Variants in ZCCHC4 observed in about 807,000 individuals in gnomAD.
ZCCHC4 encodes zinc finger CCHC-type containing 4.
In ZCCHC4, 54 loss-of-function variants were observed where a neutral mutation model predicts 67.7. The ratio of observed to expected loss-of-function variants is 0.80; its 90% confidence interval spans 0.64 to 1.00. The LOEUF (loss-of-function observed/expected upper bound fraction) is 1.00. ZCCHC4 is among the 50% of genes least tolerant of loss of function. The probability of loss-of-function intolerance (pLI) is 0.00; values close to 1 mark genes in which losing one functional copy is unlikely to be tolerated. For missense variants in ZCCHC4, 609 were observed against 617.0 expected (o/e 0.99, Z 0.14); for synonymous variants, 198 against 213.5 (o/e 0.93, Z 0.63).
rs563869190 is a variant in ZCCHC4 at position 25,354,199 on chromosome 4, A to G, written c.1011+2510A>G. 2.6e-5 allele frequency among the ~76,000 whole-genome samples: 4 copies of G among 152,278 alleles called. No homozygotes were observed. The South Asian group carries it at 6.2e-4, about 24-fold the overall frequency. On this transcript the variant is annotated intron_variant, in intron 8 of 12. Transcript: ENST00000302874. ...CAGAATACAGCAGATGAGAGAGGCA[A>G]TTTTGGAGTAACCAGCTGTCACTTG...
At chr4:25,326,002 T>C (rs1253964273) in intron 3 of ZCCHC4, among the ~76,000 whole-genome samples, 1 of 152,226 alleles carries the variant, frequency 6.6e-6, no homozygotes, top group African/African-American at 2.4e-5. Flanking sequence ...CCTGCATTAG[T>C]TTTCCTGTTG....
chr4:25,325,303 CTCTT>C (rs1468680754), intron 3 of ZCCHC4, among the ~76,000 whole-genome samples: 1 of 115,014 alleles, frequency 8.7e-6, no homozygotes, highest in Admixed American at 8.6e-5. Context: ...TTTTCACTCT[CTCTT>C]TTTTTTTTTT....
rs551710698 is a variant in ZCCHC4, at chr4:25,324,212, T to G, written c.329+8812T>G. On this transcript the variant is annotated intron_variant, in intron 3 of 12. Transcript: ENST00000302874. ...TTTGTATTTTAGTGGAGATGAGGTTTCACCATGTTGGCCAGGATGGTCTCT... is the reference window on the plus strand; with the variant it reads ...TTTGTATTTTAGTGGAGATGAGGTTGCACCATGTTGGCCAGGATGGTCTCT... 1.9e-3 allele frequency among the ~76,000 whole-genome samples: 295 copies of G among 151,342 alleles called. 1 individual carries two copies. The highest frequency in any genetic ancestry group is 6.9e-3 in the African/African-American group (284 of 41,184).
In ZCCHC4 at chr4:25,369,319, C is replaced by G. The variant is rs1450106846; in HGVS notation, c.*155C>G. On this transcript the variant is annotated 3_prime_UTR_variant, in exon 13 of 13. Coordinates refer to ENST00000302874, the MANE Select transcript of ZCCHC4 (RefSeq NM_024936.3). The stretch of plus-strand genomic sequence containing the variant: ...GGTGGCATTTGCTGGTTTACAGTCC[C>G]TTATCTGCCTCTCTGGAGACATGGG... 23 of 923,152 alleles carry G rather than the reference C, an allele frequency of 2.5e-5. No homozygotes were observed. 57.2% of individuals were successfully genotyped at this position (923,152 alleles called of 1,614,324 possible).
intron 12 of ZCCHC4, 68 bp downstream of exon 12, chr4:25,365,234 A>G: frequency 3.2e-6 from 5 of 1,586,778 alleles, no homozygotes; most frequent in Middle Eastern, 1.7e-4. Flanking sequence ...CCACAAAAGC[A>G]TGCAACATTC....
chr4:25,321,600 T>C (rs929060955), intron 3 of ZCCHC4, among the ~76,000 whole-genome samples: 1 of 152,096 alleles, frequency 6.6e-6, no homozygotes, highest in African/African-American at 2.4e-5. Context: ...CTTGAACTCC[T>C]GACCTCAAGT....
At chr4:25,343,340 A>C (rs968087540) in intron 5 of ZCCHC4, among the ~76,000 whole-genome samples, 2 of 152,228 alleles carry the variant, frequency 1.3e-5, no homozygotes, top group Non-Finnish European at 2.9e-5. Context: ...TATTGTACCG[A>C]GAATGGTTGG....
rs751740320 is a variant in ZCCHC4 at position 25,365,146 on chromosome 4, T to C, written c.1386T>C (p.Ala462=). The change falls in exon 12 of 13, where the codon GCT becomes GCC. Residue 462 remains alanine, a synonymous_variant. Transcript: ENST00000302874. The part of the protein sequence containing the change: ...DHKRSTCPNI[A]TSKRANKAVR... ...AACGCAGTACTTGTCCTAACATTGC[T>C]ACATCTAAGAGAGCTAACAAGTCAG... is the stretch of plus-strand genomic sequence containing the variant. 3.1e-6 allele frequency: 5 copies of C among 1,614,154 alleles called. No homozygotes were observed. Among genetic ancestry groups the C allele is most frequent in the Admixed American group, 3.3e-5 (2 of 60,020 alleles).
intron 5 of ZCCHC4, among the ~76,000 whole-genome samples, chr4:25,342,420 AG>A (rs1719798742): frequency 6.6e-6 from 1 of 152,172 alleles, no homozygotes; most frequent in Non-Finnish European, 1.5e-5. Context: ...TATATTTTTT[AG>A]GGGGTAGGAG....
chr4:25,336,559 T>C (rs921331173), intron 5 of ZCCHC4, among the ~76,000 whole-genome samples: 1 of 152,194 alleles, frequency 6.6e-6, no homozygotes, highest in African/African-American at 2.4e-5. Context: ...CGATCTCAGC[T>C]CACTGTAACC....
At chr4:25,319,591 C>T (rs924355283) in intron 3 of ZCCHC4, among the ~76,000 whole-genome samples, 1 of 152,050 alleles carries the variant, frequency 6.6e-6, no homozygotes, top group Non-Finnish European at 1.5e-5. Context: ...TTCTCTGGAG[C>T]AAACGGTTTG....
At chr4:25,344,468 G>T (rs1402156884) in intron 5 of ZCCHC4, among the ~76,000 whole-genome samples, 3 of 123,452 alleles carry the variant, frequency 2.4e-5, no homozygotes, top group Non-Finnish European at 3.4e-5. Flanking sequence ...GTTGTGGGGT[G>T]GGGGGAGGGG....
At chr4:25,323,539 A>T (rs972822219) in intron 3 of ZCCHC4, among the ~76,000 whole-genome samples, 9 of 152,108 alleles carry the variant, frequency 5.9e-5, no homozygotes, top group Admixed American at 2.6e-4. Context: ...TGGGGGTTGT[A>T]TGTAGGGTGA....
chr4:25,326,149 A>G (rs73254145), intron 3 of ZCCHC4, among the ~76,000 whole-genome samples: 3,816 of 152,240 alleles, frequency 0.025, 61 homozygotes, highest in Non-Finnish European at 0.042. Context: ...CCTTCTGAAG[A>G]CTCTGAGAAG....
At chr4:25,318,760 A>G (rs1187218749) in intron 3 of ZCCHC4, among the ~76,000 whole-genome samples, 4 of 150,192 alleles carry the variant, frequency 2.7e-5, no homozygotes, top group Non-Finnish European at 3.0e-5. Flanking sequence ...TGGGTAAAAT[A>G]TGAATTATTA....
At chr4:25,317,028 T>A (rs1217383636) in intron 3 of ZCCHC4, among the ~76,000 whole-genome samples, 1 of 152,240 alleles carries the variant, frequency 6.6e-6, no homozygotes, top group African/African-American at 2.4e-5. Context: ...TAGATGTAAT[T>A]TTTTGACAAA....
chr4:25,340,462 T>G (rs1299965736), intron 5 of ZCCHC4, among the ~76,000 whole-genome samples: 1 of 152,196 alleles, frequency 6.6e-6, no homozygotes, highest in Non-Finnish European at 1.5e-5. Context: ...TTCAAGATTG[T>G]TTTGGCTGTT....
Position 25,359,735 on chromosome 4 carries a change from A to G in ZCCHC4, c.1012-2124A>G, listed in dbSNP as rs1310486568. 2.6e-5 allele frequency among the ~76,000 whole-genome samples: 4 copies of G among 152,362 alleles called. No homozygotes were observed. The highest frequency in any genetic ancestry group is 9.6e-5 in the African/African-American group (4 of 41,580). ...GTTTCCAGAGCAACAATTCCAGAAA[A>G]TACCCAAGCAGGAGAAGAATGTTTC... On this transcript the variant is annotated intron_variant, in intron 8 of 12. Coordinates refer to ENST00000302874, the MANE Select transcript of ZCCHC4 (RefSeq NM_024936.3). The surrounding 1 kb of genome is among the most constrained non-coding windows in gnomAD (Gnocchi z 4.9).
chr4:25,340,824 C>A (rs1439948943), intron 5 of ZCCHC4, among the ~76,000 whole-genome samples: 1 of 151,982 alleles, frequency 6.6e-6, no homozygotes, highest in Non-Finnish European at 1.5e-5. Context: ...AAAAATTTTT[C>A]AAAAATACAG....
Sources: gnomAD v4.1 joint callset for allele counts (sites outside exome capture counted in the v4.1 genomes callset) on GRCh38, gnomAD v4.1.1 for gene constraint, Gnocchi (gnomAD v3.1) non-coding constraint, MANE v1.5 for transcripts, NCBI Gene and HGNC (gene_info 2026-07-23, HGNC 2026-07-21) for gene names.